Variants in MEI4 observed in about 807,000 individuals in gnomAD.
The protein encoded by MEI4 is meiotic double-stranded break formation protein 4.
Under a neutral mutation model 31.4 loss-of-function variants are expected in MEI4, and 27 were observed. The ratio of observed to expected loss-of-function variants is 0.86; its 90% CI spans 0.63 to 1.19. The LOEUF (loss-of-function observed/expected upper bound fraction) is 1.19. Among genes scored for constraint, MEI4 ranks in the 50% most tolerant of loss-of-function variants. The probability of loss-of-function intolerance (pLI) is 0.00; values close to 1 mark genes in which losing one functional copy is unlikely to be tolerated. For synonymous variants in MEI4, 122 were observed against 145.4 expected (o/e 0.84, Z 1.16); for missense variants, 329 against 398.9 (o/e 0.82, Z 1.49).
At chr6:77,766,691 C>T (rs757869921) in intron 3 of MEI4, among the ~76,000 whole-genome samples, 19 of 152,124 alleles carry the variant, frequency 1.2e-4, no homozygotes, top group South Asian at 4.2e-4. Flanking sequence ...GGATTACAGG[C>T]GTGAGCCTGT....
chr6:77,736,785 A>C (rs1283458427), intron 2 of MEI4, among the ~76,000 whole-genome samples: 1 of 152,096 alleles, frequency 6.6e-6, no homozygotes, highest in Non-Finnish European at 1.5e-5. Flanking sequence ...GTACCCAATG[A>C]GACCCTGTAG....
At chr6:77,660,556 T>G (rs35888111) in intron 1 of MEI4, among the ~76,000 whole-genome samples, 14,026 of 150,414 alleles carry the variant, frequency 0.093, 767 homozygotes, top group East Asian at 0.22. Context: ...TAGTTTTTTT[T>G]GGGGGGGCTT....
At chr6:77,859,209 A>G (rs1040607974) in intron 4 of MEI4, among the ~76,000 whole-genome samples, 1 of 152,106 alleles carries the variant, frequency 6.6e-6, no homozygotes, top group African/African-American at 2.4e-5. Context: ...ATCCCTTTTT[A>G]TGGCTGCATA....
At chr6:77,679,750 C>T (rs373252786) in intron 1 of MEI4, among the ~76,000 whole-genome samples, 12 of 151,876 alleles carry the variant, frequency 7.9e-5, no homozygotes, top group African/African-American at 2.9e-4. Context: ...TTTCCCTCTG[C>T]CCGCGTCCCC....
intron 3 of MEI4, among the ~76,000 whole-genome samples, chr6:77,803,626 A>G (rs1315008433): frequency 6.6e-6 from 1 of 151,996 alleles, no homozygotes; most frequent in East Asian, 1.9e-4. Context: ...GTCTTTGATG[A>G]TGGTGACGTA....
intron 2 of MEI4, among the ~76,000 whole-genome samples, chr6:77,743,142 TTC>T (rs1224319046): frequency 2.0e-5 from 3 of 152,198 alleles, no homozygotes; most frequent in Non-Finnish European, 4.4e-5. Flanking sequence ...AAGTAGTTTT[TTC>T]CAACTCTGTG....
At chr6:77,799,897 G>C (rs1206555106) in intron 3 of MEI4, among the ~76,000 whole-genome samples, 1 of 152,104 alleles carries the variant, frequency 6.6e-6, no homozygotes, top group Non-Finnish European at 1.5e-5. Context: ...GGTTACTGTA[G>C]CCTTGTAGTA....
rs112269899 is a variant in MEI4, at chr6:77,871,722, AC to A, written c.900+42661del. Among the ~76,000 whole-genome samples, 1,392 of 152,276 alleles carry A rather than the reference AC, an allele frequency of 9.1e-3. 17 individuals are homozygous for A. Among genetic ancestry groups the A allele is most frequent in the African/African-American group, 0.031 (1,287 of 41,550 alleles). On this transcript the variant is annotated intron_variant, in intron 4 of 4. Coordinates refer to ENST00000684080, the MANE Select transcript of MEI4 (RefSeq NM_001322247.2). ...AAAAGTTGAAATTATTTTTAAAAAAACATTTTTAAATTTTTATTTTTATTAT... is the reference window on the plus strand; with the variant it reads ...AAAAGTTGAAATTATTTTTAAAAAAAATTTTTAAATTTTTATTTTTATTAT...
rs1768712148 is a variant in MEI4, at chr6:77,785,478, G to A, written c.768+23813G>A. Among the ~76,000 whole-genome samples the A allele has an allele frequency of 2.6e-5, 4 of 152,272 alleles. 1 individual carries two copies. The East Asian group carries it at 7.7e-4, about 29-fold the overall frequency. ...GAAAGAATAAGAGGGAGGGCCTTGA[G>A]TGAAGGCAATGGTAGGGCACAGACT... On this transcript the variant is annotated intron_variant, in intron 3 of 4. Coordinates refer to ENST00000684080, the MANE Select transcript of MEI4 (RefSeq NM_001322247.2).
intron 2 of MEI4, among the ~76,000 whole-genome samples, chr6:77,756,419 A>T (rs1767919775): frequency 1.3e-5 from 2 of 152,272 alleles, no homozygotes; most frequent in Middle Eastern, 3.4e-3. Context: ...TTTCCAGTGT[A>T]AATGCTATTT....
At chr6:77,922,377 A>G (rs1766723980) in intron 4 of MEI4, among the ~76,000 whole-genome samples, 1 of 151,712 alleles carries the variant, frequency 6.6e-6, no homozygotes, top group African/African-American at 2.4e-5. Flanking sequence ...ATAGTGATAA[A>G]CTATCTGCTC....
At chr6:77,733,319 T>C (rs917350427) in intron 2 of MEI4, among the ~76,000 whole-genome samples, 1 of 152,102 alleles carries the variant, frequency 6.6e-6, no homozygotes, top group African/African-American at 2.4e-5. Context: ...GTTATTGGTC[T>C]ATTCAGAGAT....
rs2127681012 is a variant in MEI4 at position 77,758,039 on chromosome 6, C to T, written c.233-3091C>T. Among the ~76,000 whole-genome samples, 2 of 151,858 alleles carry T rather than the reference C, an allele frequency of 1.3e-5. 1 individual carries two copies. Among genetic ancestry groups the T allele is most frequent in the African/African-American group, 4.8e-5 (2 of 41,434 alleles). ...GGTGTGGTGGCATGTGCCTGTAGTC[C>T]CAGCTACTTGGGAGGCTGAGGCAGG... On this transcript the variant is annotated intron_variant, in intron 2 of 4. Coordinates refer to ENST00000684080, the MANE Select transcript of MEI4 (RefSeq NM_001322247.2).
chr6:77,880,137 A>G (rs1446925612), intron 4 of MEI4, among the ~76,000 whole-genome samples: 1 of 152,150 alleles, frequency 6.6e-6, no homozygotes, highest in Non-Finnish European at 1.5e-5. Flanking sequence ...ACAGTTACTC[A>G]TTTAGTGTCT....
chr6:77,848,031 G>T (rs984801251), intron 4 of MEI4, among the ~76,000 whole-genome samples: 1 of 152,094 alleles, frequency 6.6e-6, no homozygotes, highest in African/African-American at 2.4e-5. Flanking sequence ...AATGATTTCG[G>T]GTACAAACTA....
intron 4 of MEI4, among the ~76,000 whole-genome samples, chr6:77,871,323 A>T (rs1360695501): frequency 6.6e-6 from 1 of 152,240 alleles, no homozygotes; most frequent in East Asian, 1.9e-4. Context: ...CTACCTAAAA[A>T]AGATATTTGA....
At chr6:77,918,645 T>C (rs537582425) in intron 4 of MEI4, among the ~76,000 whole-genome samples, 1 of 151,938 alleles carries the variant, frequency 6.6e-6, no homozygotes, top group Non-Finnish European at 1.5e-5. Flanking sequence ...CTGAAGTTGC[T>C]TATCACCTTA....
intron 1 of MEI4, among the ~76,000 whole-genome samples, chr6:77,674,724 G>A (rs1014025005): frequency 1.3e-5 from 2 of 152,018 alleles, no homozygotes; most frequent in Admixed American, 6.6e-5. Flanking sequence ...AAATATGAGT[G>A]TACCCACCTC....
At chr6:77,841,111 G>C (rs185899355) in intron 4 of MEI4, among the ~76,000 whole-genome samples, 54 of 151,778 alleles carry the variant, frequency 3.6e-4, no homozygotes, top group Non-Finnish European at 2.5e-4. Flanking sequence ...AAATATAATA[G>C]ACCATGTTGC....
Sources: gnomAD v4.1 joint callset for allele counts (sites outside exome capture counted in the v4.1 genomes callset) on GRCh38, gnomAD v4.1.1 for gene constraint, MANE v1.5 for transcripts, NCBI Gene and HGNC (gene_info 2026-07-23, HGNC 2026-07-21) for gene names.